Variants in ARIH2 observed in about 807,000 individuals in gnomAD.
ARIH2 encodes the protein ariadne RBR E3 ubiquitin protein ligase 2.
Under a neutral mutation model 79.8 loss-of-function variants are expected in ARIH2, and 12 were observed. The ratio of observed to expected loss-of-function variants is 0.15; its 90% confidence interval spans 0.10 to 0.24. The LOEUF is 0.24. ARIH2 is among the 10% of genes least tolerant of loss of function. The pLI, the probability that ARIH2 is intolerant of heterozygous loss-of-function variation, is 1.00. For synonymous variants in ARIH2, 224 were observed against 213.9 expected (o/e 1.05, Z -0.41); for missense variants, 301 against 618.3 (o/e 0.49, Z 5.44).
chr3:48,976,109 A>G (rs1226621498), intron 11 of ARIH2, among the ~76,000 whole-genome samples: 2 of 145,950 alleles, frequency 1.4e-5, no homozygotes, highest in Non-Finnish European at 3.0e-5. Context: ...ACGGGGTCTA[A>G]CCATGTTAGC....
At chr3:48,956,580 A>C (rs1443657057) in intron 3 of ARIH2, among the ~76,000 whole-genome samples, 1 of 149,024 alleles carries the variant, frequency 6.7e-6, no homozygotes, top group Non-Finnish European at 1.5e-5. Flanking sequence ...ACAGGCATGA[A>C]CCACTGTGCC....
intron 3 of ARIH2, among the ~76,000 whole-genome samples, chr3:48,935,295 T>A (rs536801046): frequency 6.6e-6 from 1 of 152,360 alleles, no homozygotes; most frequent in African/African-American, 2.4e-5. Context: ...AATCAGTAGA[T>A]ATATGTATTT....
chr3:48,959,649 CAAAAAAAAAAAAAAA>C (rs71077758), intron 3 of ARIH2, among the ~76,000 whole-genome samples: 3 of 50,118 alleles, frequency 6.0e-5, no homozygotes, highest in African/African-American at 9.3e-5. Flanking sequence ...TAAAAAATAC[CAAAAAAAAAAAAAAA>C]AAAAAAAAAA....
intron 4 of ARIH2, among the ~76,000 whole-genome samples, chr3:48,962,714 A>G (rs1559813654): frequency 1.3e-5 from 2 of 152,198 alleles, no homozygotes; most frequent in South Asian, 4.1e-4. Flanking sequence ...GGGCTCTATT[A>G]GAAGCCACAC....
intron 4 of ARIH2, among the ~76,000 whole-genome samples, chr3:48,964,450 G>C (rs2091582288): frequency 6.6e-6 from 1 of 151,620 alleles, no homozygotes; most frequent in Non-Finnish European, 1.5e-5. Flanking sequence ...CAAGTAGCTG[G>C]GACTATAGGC....
chr3:48,954,410 C>T (rs899719786), intron 3 of ARIH2, among the ~76,000 whole-genome samples: 1 of 151,010 alleles, frequency 6.6e-6, no homozygotes, highest in Non-Finnish European at 1.5e-5. Flanking sequence ...GCACTCCAGT[C>T]GGAGCAACAG....
chr3:48,928,016 A>G, intron 3 of ARIH2: 1 of 598,568 alleles, frequency 1.7e-6, no homozygotes, highest in South Asian at 2.3e-5. Context: ...AGATTCCCAA[A>G]TTAGTAAGAA....
At chr3:48,930,964 C>G (rs567895712) in intron 3 of ARIH2, among the ~76,000 whole-genome samples, 103 of 152,232 alleles carry the variant, frequency 6.8e-4, no homozygotes, top group Non-Finnish European at 1.2e-3. Flanking sequence ...TCACTTGATT[C>G]TCATGTCTGT....
intron 9 of ARIH2, among the ~76,000 whole-genome samples, chr3:48,974,256 TCACTCGCCGAGTCAGTG>T (rs2092393196): frequency 6.6e-6 from 1 of 152,174 alleles, no homozygotes; most frequent in Non-Finnish European, 1.5e-5. Context: ...CCTTTGTCAG[TCACTCGCCGAGTCAGTG>T]CACTCACAAG....
intron 3 of ARIH2, among the ~76,000 whole-genome samples, chr3:48,936,838 C>G (rs2087214669): frequency 6.6e-6 from 1 of 152,002 alleles, no homozygotes; most frequent in African/African-American, 2.4e-5. Context: ...GACCATCTGG[C>G]TAACACGTTG....
At chr3:48,973,428 T>C (rs1261792248) in intron 8 of ARIH2, among the ~76,000 whole-genome samples, 1 of 151,894 alleles carries the variant, frequency 6.6e-6, no homozygotes, top group Non-Finnish European at 1.5e-5. Context: ...ATACAAAAAA[T>C]TAGCCGGGCA....
intron 5 of ARIH2, among the ~76,000 whole-genome samples, chr3:48,966,153 G>A (rs1186882665): frequency 1.3e-5 from 2 of 152,046 alleles, no homozygotes; most frequent in African/African-American, 4.8e-5. Context: ...GGAGCTAAAC[G>A]AACATATGTC....
chr3:48,962,865 T>G (rs2091414017), intron 4 of ARIH2, among the ~76,000 whole-genome samples: 1 of 151,960 alleles, frequency 6.6e-6, no homozygotes, highest in Admixed American at 6.6e-5. Context: ...TATGGTATGT[T>G]TTTTTTTATT....
chr3:48,927,439 T>A, intron 2 of ARIH2, 23 bp from the exon 3 acceptor site: 1 of 1,268,298 alleles, frequency 7.9e-7, no homozygotes, highest in Non-Finnish European at 1.1e-6. Flanking sequence ...AAAGTAACAC[T>A]TATTTTTTTT....
intron 9 of ARIH2, among the ~76,000 whole-genome samples, chr3:48,974,436 C>G (rs537342568): frequency 1.3e-5 from 2 of 152,168 alleles, no homozygotes; most frequent in Admixed American, 6.5e-5. Context: ...GCCCTCTTCT[C>G]GAAGCAGAAG....
At chr3:48,926,242 C>CGTGTGT (rs34080246) in intron 2 of ARIH2, among the ~76,000 whole-genome samples, 43 of 148,146 alleles carry the variant, frequency 2.9e-4, no homozygotes, top group African/African-American at 8.1e-4. Context: ...GAGTTTCCCT[C>CGTGTGT]GTGTGTGTGT....
At chr3:48,979,927 T>C (rs1403002325) in intron 12 of ARIH2, 6 of 303,774 alleles carry the variant, frequency 2.0e-5, no homozygotes, top group African/African-American at 1.1e-4. Context: ...TTTTTTTTTT[T>C]CTTTTTTCTA....
At chr3:48,948,533 C>T (rs888295797) in intron 3 of ARIH2, among the ~76,000 whole-genome samples, 1 of 152,052 alleles carries the variant, frequency 6.6e-6, no homozygotes, top group Non-Finnish European at 1.5e-5. Context: ...GGTGATCCGC[C>T]CACCTCGGCC....
At chr3:48,982,797 C>T (rs2092797143) in intron 14 of ARIH2, 99 bp from the exon 15 acceptor site, 2 of 818,254 alleles carry the variant, frequency 2.4e-6, no homozygotes, top group South Asian at 1.4e-5. Flanking sequence ...GTCTGTAGTT[C>T]CTGTGAGCCT....
Sources: gnomAD v4.1 joint callset for allele counts (sites outside exome capture counted in the v4.1 genomes callset) on GRCh38, gnomAD v4.1.1 for gene constraint, MANE v1.5 for transcripts, NCBI Gene and HGNC (gene_info 2026-07-23, HGNC 2026-07-21) for gene names.